The following UBOX5 variants were observed in gnomAD, a reference collection of about 807,000 sequenced individuals.
UBOX5 encodes the protein U-box domain containing 5, also known as RING finger protein 37.
A neutral mutation model predicts 39.0 loss-of-function variants in UBOX5; 28 were observed. The observed-to-expected ratio is 0.72, with a 90% CI of 0.53 to 0.98. The LOEUF (loss-of-function observed/expected upper bound fraction) is 0.98. Ranked by LOEUF, UBOX5 falls within the 50% of genes least tolerant of loss-of-function variation. The probability of loss-of-function intolerance (pLI) is 0.00; values close to 1 mark genes in which losing one functional copy is unlikely to be tolerated. For missense variants in UBOX5, 585 were observed against 674.4 expected, an observed-to-expected ratio of 0.87 and a Z score of 1.47; for synonymous variants, 283 against 275.5, an observed-to-expected ratio of 1.03 and a Z score of -0.27.
intron 1 of UBOX5, among the ~76,000 whole-genome samples, chr20:3,141,210 C>T (rs144819505): frequency 1.3e-5 from 2 of 152,020 alleles, no homozygotes; most frequent in African/African-American, 4.8e-5. Context: ...TAAGCCACCA[C>T]ACCCGGCCAG....
intron 1 of UBOX5, among the ~76,000 whole-genome samples, chr20:3,159,382 G>T (rs894473300): frequency 1.3e-5 from 2 of 152,210 alleles, no homozygotes; most frequent in African/African-American, 4.8e-5. Flanking sequence ...ACCCACCCCA[G>T]TCCTACAGAA....
chr20:3,138,863 T>A (rs966564582), intron 1 of UBOX5, among the ~76,000 whole-genome samples: 2 of 152,174 alleles, frequency 1.3e-5, no homozygotes, highest in African/African-American at 4.8e-5. Context: ...TCCTTCAGCC[T>A]ACAAAGTTAC....
intron 1 of UBOX5, among the ~76,000 whole-genome samples, chr20:3,142,603 CAA>C (rs899893927): frequency 2.2e-4 from 11 of 50,834 alleles, no homozygotes; most frequent in Admixed American, 2.2e-4. Flanking sequence ...GACTCCGTCT[CAA>C]AAAAAAAAAA....
At chr20:3,115,282 G>C in intron 4 of UBOX5, 23 bp downstream of exon 4, 1 of 1,601,872 alleles carries the variant, frequency 6.2e-7, no homozygotes, top group South Asian at 1.1e-5. Flanking sequence ...AAGGCTCCAA[G>C]GAGATGGCGG....
At position 3,121,929 on chromosome 20, in the gene UBOX5, C is replaced by T; in HGVS notation, c.710G>A (p.Gly237Glu). 6.2e-7 allele frequency: 1 copy of T among 1,613,858 alleles called. No homozygotes were observed. The highest frequency in any genetic ancestry group is 8.5e-7 in the Non-Finnish European group (1 of 1,180,022). ...ALPMESDCDP[G>E]DQPESQQAPS... ...AGCCTGCTGGCTCTCAGGCTGGTCC[C>T]CAGGGTCACAGTCACTTTCCATGGG... The change falls in exon 3 of 5, where the codon GGG becomes GAG. Residue 237 changes from glycine to glutamate, a missense_variant. Gly to Glu is a moderately conservative substitution (Grantham distance 98). Coordinates refer to ENST00000217173, the MANE Select transcript of UBOX5 (RefSeq NM_014948.4).
Position 3,133,885 on chromosome 20 carries a change from T to C in UBOX5, c.-41-10479A>G, listed in dbSNP as rs546411258. On this transcript the variant is annotated intron_variant, in intron 1 of 4. Coordinates refer to ENST00000217173, the MANE Select transcript of UBOX5 (RefSeq NM_014948.4). ...CTCCTACCTCTGCCTCCCGAGTATC[T>C]GGGACTACAGGCGCGCACCACCACA... Among the ~76,000 whole-genome samples, 12 of 152,110 alleles carry C rather than the reference T, an allele frequency of 7.9e-5. No individual in the cohort carries two copies. The South Asian group carries it at 2.5e-3, about 32-fold the overall frequency.
At position 3,125,707 on chromosome 20, in the gene UBOX5, G is replaced by T. The variant is rs577734470; in HGVS notation, c.-41-2301C>A. On this transcript the variant is annotated intron_variant, in intron 1 of 4. Coordinates refer to ENST00000217173, the MANE Select transcript of UBOX5 (RefSeq NM_014948.4). Reference sequence around the variant, plus strand: ...AGCCGCCCCGTCTGGGAAGTGAGGAGTGCCTCTGCCTGGCCGCCCATCATC... The same window carrying T: ...AGCCGCCCCGTCTGGGAAGTGAGGATTGCCTCTGCCTGGCCGCCCATCATC... Among the ~76,000 whole-genome samples the T allele has an allele frequency of 4.1e-5, 6 of 148,126 alleles. No homozygotes were observed. In the South Asian group the frequency reaches 1.1e-3, roughly 27 times the overall value.
At position 3,122,510 on chromosome 20, in the gene UBOX5, T is replaced by A. The variant is rs1213745190; in HGVS notation, c.129A>T (p.Thr43=). 1 of 1,613,824 alleles carries A rather than the reference T, an allele frequency of 6.2e-7. No homozygotes were observed. Reference sequence around the variant, plus strand: ...AGACTGGTGGCTTAATGAAATACTCTGTCCTGAAACCATGACTTCTCTTTG... The same window carrying A: ...AGACTGGTGGCTTAATGAAATACTCAGTCCTGAAACCATGACTTCTCTTTG... ...DLTKRSHGFR[T]EYFIKPPVYV... The change falls in exon 3 of 5, where the codon ACA becomes ACT. Residue 43 remains threonine, a synonymous_variant. Coordinates refer to ENST00000217173, the MANE Select transcript of UBOX5 (RefSeq NM_014948.4).
intron 1 of UBOX5, among the ~76,000 whole-genome samples, chr20:3,144,284 A>G (rs778478094): frequency 3.3e-5 from 5 of 152,244 alleles, no homozygotes; most frequent in Non-Finnish European, 5.9e-5. Context: ...TGGTATTGGC[A>G]TAAGAATAGA....
intron 1 of UBOX5, among the ~76,000 whole-genome samples, chr20:3,139,795 C>T (rs6139015): frequency 0.51 from 77,254 of 151,234 alleles, 20,461 homozygotes; most frequent in East Asian, 0.96. Flanking sequence ...CTGCAACCTC[C>T]GTCTCCTGGG....
At chr20:3,113,254 C>T (rs1009516403) in intron 4 of UBOX5, among the ~76,000 whole-genome samples, 3 of 147,918 alleles carry the variant, frequency 2.0e-5, no homozygotes, top group African/African-American at 7.6e-5. Flanking sequence ...CGCCATTGTA[C>T]TCTAGCCCGG....
chr20:3,145,388 C>T (rs917634928), intron 1 of UBOX5, among the ~76,000 whole-genome samples: 1 of 151,108 alleles, frequency 6.6e-6, no homozygotes, highest in Non-Finnish European at 1.5e-5. Context: ...TTCAAGAGAT[C>T]ACCCAAAGTG....
intron 1 of UBOX5, 135 bp downstream of exon 1, chr20:3,159,631 C>T (rs1433908225): frequency 1.3e-5 from 2 of 152,338 alleles, no homozygotes; most frequent in Admixed American, 1.3e-4. Context: ...CAACCCAGGC[C>T]AAGAGCTGAA....
chr20:3,110,323 T>C lies in UBOX5; in HGVS notation c.1418-9A>G, dbSNP rs45482595. 133,452 of 1,613,720 alleles carry C rather than the reference T, an allele frequency of 0.083. 6,264 individuals carry two copies. The highest frequency in any genetic ancestry group is 0.096 in the Non-Finnish European group (113,624 of 1,179,838). On this transcript the variant is annotated splice_polypyrimidine_tract_variant and intron_variant, in intron 4 of 4. Transcript: ENST00000217173. ...GATGCTCCCAGGCTGCTCTGGTAAA[T>C]CAGGAAGGAAAACAGGCCAGGGTTA...
chr20:3,140,194 G>T (rs1450877547), intron 1 of UBOX5, among the ~76,000 whole-genome samples: 1 of 147,352 alleles, frequency 6.8e-6, no homozygotes, highest in Admixed American at 6.8e-5. Flanking sequence ...GCTGATTTTT[G>T]TATTTTCAGT....
intron 1 of UBOX5, among the ~76,000 whole-genome samples, chr20:3,153,702 T>C (rs75284918): frequency 0.019 from 2,849 of 152,308 alleles, 34 homozygotes; most frequent in Middle Eastern, 0.071. Flanking sequence ...TGAAAGTCCC[T>C]TCCACCTCTA....
chr20:3,139,943 T>C (rs1474900819), intron 1 of UBOX5, among the ~76,000 whole-genome samples: 1 of 147,382 alleles, frequency 6.8e-6, no homozygotes, highest in Non-Finnish European at 1.5e-5. Context: ...CTCCTGACCT[T>C]GTCATCTGCC....
intron 1 of UBOX5, among the ~76,000 whole-genome samples, chr20:3,124,345 C>T (rs6051586): frequency 5.5e-4 from 83 of 152,292 alleles, no homozygotes; most frequent in Admixed American, 9.8e-4. Context: ...CTCGGCCTGC[C>T]GAGTGCCTGC....
chr20:3,152,984 C>T (rs1046333248), intron 1 of UBOX5, among the ~76,000 whole-genome samples: 4 of 151,148 alleles, frequency 2.6e-5, no homozygotes, highest in African/African-American at 9.7e-5. Flanking sequence ...CATAGTAAAG[C>T]GAAAAACAGA....
Sources: gnomAD v4.1 joint callset for allele counts (sites outside exome capture counted in the v4.1 genomes callset) on GRCh38, gnomAD v4.1.1 for gene constraint, MANE v1.5 for transcripts, NCBI Gene and HGNC (gene_info 2026-07-23, HGNC 2026-07-21) for gene names.